GPD2: variants seen among roughly 807,000 people sequenced by gnomAD.
GPD2 encodes the protein glycerol-3-phosphate dehydrogenase 2.
Under a neutral mutation model 82.4 loss-of-function variants are expected in GPD2, and 54 were observed. The observed-to-expected ratio is 0.66, with a 90% confidence interval of 0.53 to 0.82. GPD2 has a LOEUF of 0.82. Among genes scored for constraint, GPD2 ranks in the 40% least tolerant of loss-of-function variants. The pLI, the probability that GPD2 is intolerant of heterozygous loss-of-function variation, is 0.00. For synonymous variants in GPD2, 288 were observed against 306.1 expected (o/e 0.94, Z 0.62); for missense variants, 748 against 896.2 (o/e 0.83, Z 2.11).
upstream of GPD2, among the ~76,000 whole-genome samples, chr2:156,432,414 C>T (rs900987044): frequency 2.0e-5 from 3 of 152,276 alleles, no homozygotes; most frequent in African/African-American, 4.8e-5. Context: ...TGTCCCCCTC[C>T]CTCCTTTTGG....
the GPD2 span, among the ~76,000 whole-genome samples, chr2:156,409,761 G>A: frequency 3.3e-5 from 5 of 152,240 alleles, no homozygotes; most frequent in South Asian, 1.0e-3. Flanking sequence ...TTAGGAGAGA[G>A]GACCTATATT....
chr2:156,555,767 A>G (rs889049056), intron 8 of GPD2, among the ~76,000 whole-genome samples: 14 of 152,348 alleles, frequency 9.2e-5, no homozygotes, highest in African/African-American at 3.4e-4. Context: ...TCAATACATT[A>G]GAGTAAAAGT....
chr2:156,523,714 A>ATAGG (rs1290754828), intron 6 of GPD2, among the ~76,000 whole-genome samples: 1 of 149,562 alleles, frequency 6.7e-6, no homozygotes, highest in Admixed American at 6.7e-5. Flanking sequence ...AGATAGATAG[A>ATAGG]TAGATATTTT....
upstream of GPD2, chr2:156,436,309 G>A (rs1233196000): frequency 1.3e-5 from 2 of 152,794 alleles, no homozygotes; most frequent in Non-Finnish European, 2.9e-5. Context: ...GCGGGAGGAG[G>A]AAGTCGGGAA....
chr2:156,493,267 G>T (rs1252280284), intron 2 of GPD2, among the ~76,000 whole-genome samples: 3 of 152,140 alleles, frequency 2.0e-5, no homozygotes, highest in Non-Finnish European at 4.4e-5. Flanking sequence ...GGATTTGGTG[G>T]CATAGTTGGC....
chr2:156,481,576 A>C (rs926807973), intron 2 of GPD2, among the ~76,000 whole-genome samples: 1 of 151,488 alleles, frequency 6.6e-6, no homozygotes, highest in African/African-American at 2.4e-5. Context: ...TCTGTGCCTG[A>C]CTTATTTCAC....
rs1343446937 is a variant in GPD2 at position 156,582,837 on chromosome 2, T to G, written c.2103T>G (p.Leu701=). The change falls in exon 17 of 17, where the codon CTT becomes CTG. Residue 701 remains leucine (L), a synonymous_variant. Transcript: ENST00000438166. ...IQKGRVSGSR[L]AILMKTAEEN... ...AAGGAAGGGTATCTGGAAGCCGGCT[T>G]GCTATACTAATGAAAACTGCAGAAG... The G allele has an allele frequency of 3.1e-5, 50 of 1,612,924 alleles. No individual in the cohort carries two copies. The highest frequency in any genetic ancestry group is 4.2e-5 in the Non-Finnish European group (49 of 1,179,160).
At chr2:156,482,832 G>A (rs887466269) in intron 2 of GPD2, among the ~76,000 whole-genome samples, 2 of 152,122 alleles carry the variant, frequency 1.3e-5, no homozygotes, top group African/African-American at 4.8e-5. Flanking sequence ...CCTGATAACA[G>A]TGATGTGTTA....
chr2:156,573,085 C>A (rs151129309), intron 13 of GPD2, among the ~76,000 whole-genome samples: 285 of 152,256 alleles, frequency 1.9e-3, no homozygotes, highest in African/African-American at 6.0e-3. Flanking sequence ...AAAGTATTCT[C>A]ATTCTGGTAT....
At chr2:156,468,145 T>G (rs886064567) in intron 1 of GPD2, among the ~76,000 whole-genome samples, 3 of 152,106 alleles carry the variant, frequency 2.0e-5, no homozygotes, top group Non-Finnish European at 4.4e-5. Context: ...TAATAAAAGG[T>G]TTGCTTGCTA....
intron 9 of GPD2, among the ~76,000 whole-genome samples, chr2:156,560,542 C>T (rs1687130399): frequency 1.3e-5 from 2 of 152,172 alleles, no homozygotes; most frequent in African/African-American, 4.8e-5. Context: ...CTGTGTGCGG[C>T]ACCTGTCACA....
At chr2:156,514,514 T>C (rs2105276264) in intron 6 of GPD2, among the ~76,000 whole-genome samples, 1 of 152,208 alleles carries the variant, frequency 6.6e-6, no homozygotes, top group Middle Eastern at 3.4e-3. Flanking sequence ...CTTTGATATT[T>C]ATACTGAATA....
At chr2:156,422,494 G>A in the GPD2 span, among the ~76,000 whole-genome samples, 11 of 151,992 alleles carry the variant, frequency 7.2e-5, no homozygotes, top group Non-Finnish European at 1.6e-4. Context: ...ACTTTTGGAG[G>A]CTGAGGTGGG....
intron 16 of GPD2, 77 bp from the exon 17 acceptor site, chr2:156,582,715 AT>A: frequency 6.7e-7 from 1 of 1,497,768 alleles, no homozygotes; most frequent in Non-Finnish European, 9.3e-7. Flanking sequence ...GTCTGCTGCA[AT>A]TCTAACGATT....
At chr2:156,541,104 A>C (rs1029698361) in intron 6 of GPD2, among the ~76,000 whole-genome samples, 2 of 152,234 alleles carry the variant, frequency 1.3e-5, no homozygotes, top group African/African-American at 4.8e-5. Context: ...CTTCCTCACA[A>C]TAACTCTGTG....
At chr2:156,484,866 C>G (rs936863621) in intron 2 of GPD2, among the ~76,000 whole-genome samples, 1 of 152,064 alleles carries the variant, frequency 6.6e-6, no homozygotes, top group African/African-American at 2.4e-5. Flanking sequence ...CAAACAAAAA[C>G]AAAACCCAAT....
intron 8 of GPD2, among the ~76,000 whole-genome samples, chr2:156,551,084 G>A (rs944407761): frequency 5.9e-5 from 9 of 152,088 alleles, no homozygotes; most frequent in Non-Finnish European, 8.8e-5. Context: ...TATAAAGGAC[G>A]TATTTTAGTT....
chr2:156,550,656 C>T lies in GPD2; in HGVS notation c.881C>T (p.Thr294Met), dbSNP rs769617848. 1.1e-5 allele frequency: 18 copies of T among 1,613,712 alleles called. No individual in the cohort carries two copies. The highest frequency in any genetic ancestry group is 1.4e-5 in the Non-Finnish European group (16 of 1,179,728). Residue 294 changes from threonine to methionine, a missense_variant, in exon 8 of 17, where the codon ACG becomes ATG. By Grantham distance (81) the Thr-to-Met change is moderately conservative. This residue lies in a region of GPD2 where 692 missense variants were observed against 809.7 expected (regional missense o/e 0.85). Coordinates refer to ENST00000438166, the MANE Select transcript of GPD2 (RefSeq NM_000408.5). The stretch of plus-strand genomic sequence containing the variant: ...GTTATCAATGCCACGGGACCTTTCA[C>T]GGACTCTGTGCGCAAAATGGATGAT... ...KCVINATGPF[T>M]DSVRKMDDKD...
intron 6 of GPD2, among the ~76,000 whole-genome samples, chr2:156,543,174 G>T (rs983974116): frequency 2.0e-5 from 3 of 152,150 alleles, no homozygotes; most frequent in Non-Finnish European, 4.4e-5. Context: ...TCCATTGTCT[G>T]TTGGGTAGCT....
Sources: allele counts gnomAD v4.1 joint callset (sites outside exome capture counted in the v4.1 genomes callset), GRCh38; gene constraint gnomAD v4.1.1; regional missense constraint gnomAD v4.1.1; transcripts MANE v1.5; gene names NCBI Gene and HGNC (gene_info 2026-07-23, HGNC 2026-07-21).